The following PLSCR2 variants were observed in gnomAD, a reference collection of about 807,000 sequenced individuals.
PLSCR2 encodes the protein phospholipid scramblase 2.
PLSCR2 carries 18 observed loss-of-function variants against 25.3 expected under a neutral mutation model. The ratio of observed to expected loss-of-function variants is 0.71; its 90% CI spans 0.49 to 1.06. The LOEUF (loss-of-function observed/expected upper bound fraction) is 1.06. PLSCR2 is among the 50% of genes least tolerant of loss of function. The pLI is 0.00. For synonymous variants in PLSCR2, 88 were observed against 87.3 expected (o/e 1.01, Z -0.04); for missense variants, 243 against 269.5 (o/e 0.90, Z 0.69).
chr3:146,397,478 T>A (rs2038314035), intron 2 of PLSCR2, among the ~76,000 whole-genome samples: 1 of 152,134 alleles, frequency 6.6e-6, no homozygotes, highest in Non-Finnish European at 1.5e-5. Context: ...TTTCCTCTTA[T>A]TCATAGCCAA....
chr3:146,421,294 T>C (rs1211874401), intron 2 of PLSCR2, among the ~76,000 whole-genome samples: 1 of 152,014 alleles, frequency 6.6e-6, no homozygotes, highest in Non-Finnish European at 1.5e-5. Flanking sequence ...CTCATATTTA[T>C]AATATACTAA....
intron 2 of PLSCR2, among the ~76,000 whole-genome samples, chr3:146,410,873 C>T (rs1042803851): frequency 6.6e-6 from 1 of 152,186 alleles, no homozygotes; most frequent in African/African-American, 2.4e-5. Context: ...TTGGGCTCCT[C>T]TTAGCATTGG....
intron 1 of PLSCR2, among the ~76,000 whole-genome samples, chr3:146,486,357 CA>C (rs1259129956): frequency 5.2e-4 from 74 of 141,872 alleles, no homozygotes; most frequent in Admixed American, 1.3e-3. Flanking sequence ...AAAAACCCTT[CA>C]AAAAAAATCA....
chr3:146,462,011 G>A (rs190544112), upstream of PLSCR2: 3,305 of 785,212 alleles, frequency 4.2e-3, 23 homozygotes, highest in Non-Finnish European at 5.7e-3. Context: ...ATTATAGGGA[G>A]GAAATTAAAC....
chr3:146,453,017 G>T (rs1293265061), intron 5 of PLSCR2, among the ~76,000 whole-genome samples: 1 of 151,762 alleles, frequency 6.6e-6, no homozygotes, highest in Non-Finnish European at 1.5e-5. Flanking sequence ...CATTTTAAAG[G>T]TCTCTACAAC....
downstream of PLSCR2, among the ~76,000 whole-genome samples, chr3:146,440,085 C>G (rs1279823885): frequency 6.6e-6 from 1 of 152,178 alleles, no homozygotes; most frequent in African/African-American, 2.4e-5. Context: ...GGCTGCAGAA[C>G]AGCAAATATT....
chr3:146,454,306 GGTAAA>G (rs1273154673), intron 4 of PLSCR2, 143 bp from the exon 5 acceptor site: 1 of 528,454 alleles, frequency 1.9e-6, no homozygotes, highest in Non-Finnish European at 3.2e-6. Flanking sequence ...GATTGAATAA[GGTAAA>G]GTATTTTAAT....
intron 2 of PLSCR2, among the ~76,000 whole-genome samples, chr3:146,399,724 C>G (rs1379897530): frequency 6.6e-6 from 1 of 150,480 alleles, no homozygotes; most frequent in Non-Finnish European, 1.5e-5. Flanking sequence ...CTCTCCCTTT[C>G]TCTCTCTCTC....
chr3:146,428,178 AAG>A (rs2039422289), intron 2 of PLSCR2, among the ~76,000 whole-genome samples: 1 of 152,326 alleles, frequency 6.6e-6, no homozygotes, highest in South Asian at 2.1e-4. Flanking sequence ...GGGTATCTGA[AAG>A]AGAATTTATC....
Position 146,401,237 on chromosome 3 carries a change from A to G in PLSCR2, c.101-5316T>C, listed in dbSNP as rs539487915. 4 of 152,296 alleles carry G rather than the reference A, an allele frequency of 2.6e-5. No homozygotes were observed. In the South Asian group the frequency reaches 6.2e-4, roughly 24 times the overall value. 9.4% of individuals were successfully genotyped at this position (152,296 alleles called of 1,614,324 possible). A position where few individuals can be genotyped will look rare whatever the true frequency, so the allele number is the denominator to read the frequency against. ...CCCTATACTTATGTGGTACAAAAAT[A>G]CAATTATCTCTCTGACGTTTTCCAT... is the stretch of plus-strand genomic sequence containing the variant. On this transcript the variant is annotated intron_variant and NMD_transcript_variant, in intron 2 of 3. Coordinates refer to the PLSCR2 transcript ENST00000463633.
chr3:146,392,450 A>C (rs1384239256), intron 3 of PLSCR2, among the ~76,000 whole-genome samples: 1 of 151,884 alleles, frequency 6.6e-6, no homozygotes, highest in East Asian at 1.9e-4. Flanking sequence ...CGCTTTCTTA[A>C]GTTTAGTGGT....
intron 2 of PLSCR2, among the ~76,000 whole-genome samples, chr3:146,406,959 T>C (rs918333012): frequency 6.6e-5 from 10 of 152,148 alleles, no homozygotes; most frequent in Non-Finnish European, 7.4e-5. Context: ...ATAAATTAGC[T>C]TGTGATATTT....
downstream of PLSCR2, among the ~76,000 whole-genome samples, chr3:146,428,704 G>GA (rs2039439186): frequency 6.6e-6 from 1 of 152,076 alleles, no homozygotes. Context: ...ATGAGGCTAA[G>GA]AAAAAACAGT....
intron 8 of PLSCR2, among the ~76,000 whole-genome samples, chr3:146,434,585 T>A (rs1233079036): frequency 1.3e-5 from 2 of 151,862 alleles, no homozygotes; most frequent in African/African-American, 2.4e-5. Flanking sequence ...AATTTATAGA[T>A]CCTTAATATA....
Position 146,447,576 on chromosome 3 carries a change from G to T in PLSCR2, c.645+1630C>A, listed in dbSNP as rs139945343. 1.7e-3 allele frequency among the ~76,000 whole-genome samples: 261 copies of T among 152,228 alleles called. 2 individuals carry two copies. The highest frequency in any genetic ancestry group is 6.1e-3 in the African/African-American group (255 of 41,540). Reference sequence around the variant, plus strand: ...TAGGGGGGTGGTATACAAGTTGCAAGAAAAAGACCTCTTTACTCTCTCCTC... The same window carrying T: ...TAGGGGGGTGGTATACAAGTTGCAATAAAAAGACCTCTTTACTCTCTCCTC... On this transcript the variant is annotated intron_variant, in intron 6 of 6. Transcript: ENST00000610787.
At chr3:146,438,720 CTT>C (rs1394853391), downstream of PLSCR2, among the ~76,000 whole-genome samples, 4 of 152,138 alleles carry the variant, frequency 2.6e-5, no homozygotes, top group African/African-American at 9.7e-5. Flanking sequence ...GGTCTTGACT[CTT>C]TATCCAATTT....
chr3:146,451,598 G>T (rs2040900152), intron 5 of PLSCR2, among the ~76,000 whole-genome samples: 1 of 152,144 alleles, frequency 6.6e-6, no homozygotes, highest in South Asian at 2.1e-4. Context: ...ATGACTGGTG[G>T]TTGGTGGTTG....
intron 3 of PLSCR2, among the ~76,000 whole-genome samples, chr3:146,391,917 C>T (rs1304636596): frequency 6.6e-6 from 1 of 151,940 alleles, no homozygotes; most frequent in Non-Finnish European, 1.5e-5. Flanking sequence ...TCAATCAATC[C>T]CAAAATCTAC....
chr3:146,436,781 G>C (rs975144701), downstream of PLSCR2, among the ~76,000 whole-genome samples: 8 of 152,088 alleles, frequency 5.3e-5, no homozygotes, highest in African/African-American at 1.9e-4. Flanking sequence ...TCTCTTGCCT[G>C]ATTGCCCTGG....
Sources: gnomAD v4.1 joint callset for allele counts (sites outside exome capture counted in the v4.1 genomes callset) on GRCh38, gnomAD v4.1.1 for gene constraint, MANE v1.5 for transcripts, NCBI Gene and HGNC (gene_info 2026-07-23, HGNC 2026-07-21) for gene names.